Variants in EFR3A observed in about 807,000 individuals in gnomAD.
EFR3A encodes the protein EFR3 homolog A.
In EFR3A, 76 loss-of-function variants were observed where a neutral mutation model predicts 104.4. The ratio of observed to expected loss-of-function variants is 0.73; its 90% CI spans 0.60 to 0.88. The LOEUF (loss-of-function observed/expected upper bound fraction) is 0.88, where lower values mean the gene tolerates loss of function less well. Ranked by LOEUF, EFR3A falls within the 40% of genes least tolerant of loss-of-function variation. EFR3A has a pLI of 0.00. For missense variants in EFR3A, 985 were observed against 1,012.5 expected, an observed-to-expected ratio of 0.97 and a Z score of 0.37; for synonymous variants, 330 against 330.0, an observed-to-expected ratio of 1.00 and a Z score of 0.00.
At chr8:131,940,626 C>T in intron 2 of EFR3A, 51 bp downstream of exon 2, 1 of 1,563,884 alleles carries the variant, frequency 6.4e-7, no homozygotes. Flanking sequence ...CCATTCTGCC[C>T]CCCGCTGACC....
intron 18 of EFR3A, among the ~76,000 whole-genome samples, chr8:131,993,641 A>G (rs942296966): frequency 6.6e-6 from 1 of 151,930 alleles, no homozygotes; most frequent in Non-Finnish European, 1.5e-5. Flanking sequence ...CACACCTGTA[A>G]TCCTGGCACT....
At chr8:131,976,384 G>A (rs146019991) in intron 11 of EFR3A, among the ~76,000 whole-genome samples, 8 of 152,150 alleles carry the variant, frequency 5.3e-5, no homozygotes, top group African/African-American at 2.4e-5. Flanking sequence ...TGTTTGGCCT[G>A]GACATTGTGT....
At chr8:131,943,749 G>T (rs1453490176) in intron 2 of EFR3A, among the ~76,000 whole-genome samples, 1 of 151,904 alleles carries the variant, frequency 6.6e-6, no homozygotes, top group Non-Finnish European at 1.5e-5. Context: ...TTTAGACATT[G>T]CCCTGGAGGG....
chr8:131,940,243 T>A (rs1818097878), intron 1 of EFR3A: 1 of 440,744 alleles, frequency 2.3e-6, no homozygotes, highest in African/African-American at 2.0e-5. Context: ...GGATGATGTT[T>A]TCACTTTGTC....
rs1326472927 is a variant in EFR3A, at chr8:131,946,601, G to A, written c.334G>A (p.Glu112Lys). The change falls in exon 4 of 23, where the codon GAA becomes AAA. Residue 112 changes from glutamate (E) to lysine (K), a missense_variant. Transcript: ENST00000254624. Reference protein sequence around the residue: ...HMVAKLLESGEPKLQVLGTNS... With the variant: ...HMVAKLLESGKPKLQVLGTNS... ...GGTGGCAAAGCTGCTGGAATCGGGG[G>A]AACCAAAGCTTCAAGTTCTTGGAAC... The A allele has an allele frequency of 2.5e-6, 4 of 1,603,558 alleles. No individual in the cohort carries two copies. Among genetic ancestry groups the A allele is most frequent in the African/African-American group, 2.7e-5 (2 of 74,476 alleles).
intron 9 of EFR3A, 31 bp from the exon 10 acceptor site, chr8:131,970,445 T>C (rs1250929738): frequency 6.3e-6 from 10 of 1,599,212 alleles, no homozygotes; most frequent in Middle Eastern, 1.7e-4. Context: ...ACTAGAAACA[T>C]GTATCTTCTC....
Position 131,970,486 on chromosome 8 carries a change from G to A in EFR3A, c.1002G>A (p.Val334=). 1 of 1,613,680 alleles carries A rather than the reference G, an allele frequency of 6.2e-7. No individual in the cohort carries two copies. ...IAAKGSIGPT[V]LEVFNTLLKH... is the part of the protein sequence containing the mutation. ...AGTGATCCTTTATAGGTCCGACAGT[G>A]CTGGAAGTCTTCAATACCCTTTTGA... is the stretch of plus-strand genomic sequence containing the variant. Residue 334 remains valine (V), a synonymous_variant, in exon 10 of 23, where the codon GTG becomes GTA. Coordinates refer to ENST00000254624, the MANE Select transcript of EFR3A (RefSeq NM_015137.6).
chr8:131,908,151 C>A (rs1364161286), intron 1 of EFR3A, among the ~76,000 whole-genome samples: 1 of 151,768 alleles, frequency 6.6e-6, no homozygotes, highest in African/African-American at 2.4e-5. Context: ...ACCTCCAAAT[C>A]CCGGGTTCAA....
intron 11 of EFR3A, among the ~76,000 whole-genome samples, chr8:131,976,526 C>A (rs1820334346): frequency 1.3e-5 from 2 of 151,924 alleles, no homozygotes; most frequent in Non-Finnish European, 2.9e-5. Context: ...TTATGTGACC[C>A]CCTTATTTTA....
chr8:131,977,773 T>A (rs904317082), intron 12 of EFR3A, among the ~76,000 whole-genome samples: 4 of 152,172 alleles, frequency 2.6e-5, no homozygotes, highest in African/African-American at 4.8e-5. Flanking sequence ...TAATTTTTTT[T>A]AATTCTGTTT....
intron 2 of EFR3A, among the ~76,000 whole-genome samples, chr8:131,943,017 C>G (rs538223805): frequency 1.3e-5 from 2 of 152,046 alleles, no homozygotes; most frequent in Admixed American, 6.6e-5. Context: ...TGAAAATGTT[C>G]TTTTCCTGTT....
intron 5 of EFR3A, among the ~76,000 whole-genome samples, chr8:131,951,350 A>G (rs887076117): frequency 4.6e-5 from 7 of 152,106 alleles, no homozygotes; most frequent in African/African-American, 9.7e-5. Context: ...TCTCAGAGGT[A>G]AAAAATACTA....
At chr8:131,968,214 C>A in intron 8 of EFR3A, 81 bp from the exon 9 acceptor site, 2 of 1,369,560 alleles carry the variant, frequency 1.5e-6, no homozygotes, top group Non-Finnish European at 2.0e-6. Flanking sequence ...ATTTACGTGT[C>A]AGGTGTTTTT....
chr8:131,918,763 TACAA>T (rs1437189920), intron 1 of EFR3A, among the ~76,000 whole-genome samples: 1 of 152,214 alleles, frequency 6.6e-6, no homozygotes, highest in African/African-American at 2.4e-5. Context: ...TTTTGGAAGT[TACAA>T]ACACTCCTAC....
intron 8 of EFR3A, among the ~76,000 whole-genome samples, chr8:131,962,126 C>T (rs1272471033): frequency 9.2e-5 from 14 of 152,268 alleles, no homozygotes; most frequent in South Asian, 2.1e-4. Flanking sequence ...TAAAGACCAT[C>T]GAGGCTAGGA....
At chr8:131,924,619 C>T (rs966833852) in intron 1 of EFR3A, among the ~76,000 whole-genome samples, 1 of 152,136 alleles carries the variant, frequency 6.6e-6, no homozygotes, top group African/African-American at 2.4e-5. Flanking sequence ...CTGTTTCCCT[C>T]AGCCTTTCTG....
intron 18 of EFR3A, among the ~76,000 whole-genome samples, chr8:131,992,445 T>A (rs1400059255): frequency 6.6e-6 from 1 of 152,164 alleles, no homozygotes; most frequent in Non-Finnish European, 1.5e-5. Context: ...GGATGACTTT[T>A]GTATGGGAGA....
chr8:131,976,266 A>T (rs1820323268), intron 11 of EFR3A, 125 bp downstream of exon 11: 1 of 671,562 alleles, frequency 1.5e-6, no homozygotes. Flanking sequence ...TATGGAAAGC[A>T]GTTAGTATTA....
chr8:132,000,676 AT>A (rs1217432220), intron 19 of EFR3A: 1 of 152,106 alleles, frequency 6.6e-6, no homozygotes, highest in Non-Finnish European at 1.5e-5. Flanking sequence ...AACAAAAGCA[AT>A]TTCTTTTTTT....
Sources: allele counts gnomAD v4.1 joint callset (sites outside exome capture counted in the v4.1 genomes callset), GRCh38; gene constraint gnomAD v4.1.1; transcripts MANE v1.5; gene names NCBI Gene and HGNC (gene_info 2026-07-23, HGNC 2026-07-21).